The following MAGI2 variants were observed in gnomAD, a reference collection of about 807,000 sequenced individuals.
MAGI2 encodes membrane associated guanylate kinase, WW and PDZ domain containing 2, also known as membrane-associated guanylate kinase, WW and PDZ domain-containing protein 2.
Under a neutral mutation model 133.3 loss-of-function variants are expected in MAGI2, and 35 were observed. The ratio of observed to expected loss-of-function variants is 0.26; its 90% CI spans 0.20 to 0.35. The LOEUF is 0.35. MAGI2 is among the 10% of genes least tolerant of loss of function. The pLI is 1.00. For missense variants in MAGI2, 1,636 were observed against 1,863.4 expected, an observed-to-expected ratio of 0.88 and a Z score of 2.25; for synonymous variants, 729 against 710.6, an observed-to-expected ratio of 1.03 and a Z score of -0.41.
Position 78,519,534 on chromosome 7 carries a change from T to C in MAGI2, c.754+1896A>G, listed in dbSNP as rs1246939492. ...ATCATCAAGCTGAGGAATCCAGAGATATGGCTAGGGTTGATCAAGAACAGT... is the reference window on the plus strand; with the variant it reads ...ATCATCAAGCTGAGGAATCCAGAGACATGGCTAGGGTTGATCAAGAACAGT... On this transcript the variant is annotated intron_variant, in intron 4 of 21. Coordinates refer to ENST00000354212, the MANE Select transcript of MAGI2 (RefSeq NM_012301.4). Among the ~76,000 whole-genome samples, 7 of 152,182 alleles carry C rather than the reference T, an allele frequency of 4.6e-5. No individual in the cohort carries two copies. The South Asian group carries it at 8.3e-4, about 18-fold the overall frequency.
intron 1 of MAGI2, among the ~76,000 whole-genome samples, chr7:79,265,484 C>T (rs915822484): frequency 6.6e-6 from 1 of 151,618 alleles, no homozygotes; most frequent in Non-Finnish European, 1.5e-5. Flanking sequence ...AGTACTTTTC[C>T]TTTTTTTTGG....
At chr7:78,290,798 G>A (rs949165320) in intron 9 of MAGI2, among the ~76,000 whole-genome samples, 6 of 152,258 alleles carry the variant, frequency 3.9e-5, no homozygotes, top group Admixed American at 2.6e-4. Context: ...CTCAAAAACC[G>A]CTCAGCTACA....
Position 79,431,163 on chromosome 7 carries a change from A to G in MAGI2, c.301+21857T>C, listed in dbSNP as rs374025128. ...CTAAATATAAGCTCCACATGAGCAT[A>G]CTAGAATGAAACACCTGAGATAAGA... On this transcript the variant is annotated intron_variant, in intron 1 of 21. Coordinates refer to ENST00000354212, the MANE Select transcript of MAGI2 (RefSeq NM_012301.4). 2.1e-3 allele frequency among the ~76,000 whole-genome samples: 319 copies of G among 152,308 alleles called. 1 individual carries two copies. In the South Asian group the frequency reaches 0.021, roughly 10 times the overall value.
chr7:79,320,696 G>A (rs1839116006), intron 1 of MAGI2, among the ~76,000 whole-genome samples: 1 of 152,092 alleles, frequency 6.6e-6, no homozygotes, highest in East Asian at 1.9e-4. Context: ...AAGCTGACTT[G>A]GATCTATTGC....
At chr7:79,195,105 A>G (rs1827972554) in intron 1 of MAGI2, among the ~76,000 whole-genome samples, 1 of 151,964 alleles carries the variant, frequency 6.6e-6, no homozygotes, top group Admixed American at 6.6e-5. Context: ...TTTTGTAAAA[A>G]GATAAAATTA....
chr7:78,766,992 CT>C (rs5885095), intron 2 of MAGI2, among the ~76,000 whole-genome samples: 106,203 of 143,480 alleles, frequency 0.74, 39,142 homozygotes, highest in Non-Finnish European at 0.78. Context: ...TAATAAAGTT[CT>C]TTTTTTTTTT....
Position 78,967,673 on chromosome 7 carries a change from C to T in MAGI2, c.418+39417G>A, listed in dbSNP as rs117164744. Among the ~76,000 whole-genome samples the T allele has an allele frequency of 2.4e-3, 368 of 151,650 alleles. 2 individuals are homozygous for T. Among genetic ancestry groups the T allele is most frequent in the Non-Finnish European group, 3.8e-3 (256 of 67,906 alleles). The stretch of plus-strand genomic sequence containing the variant: ...ATTTCATTCTTTTGCATGTGGATAT[C>T]CAGTTTTCCAAAATGACTTGTTAAA... On this transcript the variant is annotated intron_variant, in intron 2 of 21. Coordinates refer to ENST00000354212, the MANE Select transcript of MAGI2 (RefSeq NM_012301.4).
intron 2 of MAGI2, among the ~76,000 whole-genome samples, chr7:78,981,087 C>T (rs1036630737): frequency 8.6e-5 from 13 of 151,494 alleles, no homozygotes; most frequent in Non-Finnish European, 1.8e-4. Context: ...GCTCTTCTGA[C>T]TTTCTTCTAT....
intron 1 of MAGI2, among the ~76,000 whole-genome samples, chr7:79,210,737 A>G (rs1829432696): frequency 6.6e-6 from 1 of 152,042 alleles, no homozygotes; most frequent in South Asian, 2.1e-4. Context: ...ACTCCTTCAC[A>G]TGGCTCTCTT....
At chr7:78,968,842 G>C (rs960449624) in intron 2 of MAGI2, among the ~76,000 whole-genome samples, 2 of 152,052 alleles carry the variant, frequency 1.3e-5, no homozygotes, top group Non-Finnish European at 2.9e-5. Context: ...CAAGGACACG[G>C]CCTTTATTTT....
intron 10 of MAGI2, among the ~76,000 whole-genome samples, chr7:78,228,298 A>C (rs1789611166): frequency 6.6e-6 from 1 of 152,238 alleles, no homozygotes; most frequent in African/African-American, 2.4e-5. Flanking sequence ...TCCCTAAACC[A>C]TCTGCATCAG....
intron 2 of MAGI2, among the ~76,000 whole-genome samples, chr7:78,755,337 A>G (rs1823842585): frequency 1.3e-5 from 2 of 152,244 alleles, no homozygotes; most frequent in African/African-American, 4.8e-5. Context: ...TTTTGGAAAC[A>G]TACGTACTCG....
chr7:79,078,258 G>T (rs963070311), intron 1 of MAGI2, among the ~76,000 whole-genome samples: 2 of 151,350 alleles, frequency 1.3e-5, no homozygotes, highest in Admixed American at 1.3e-4. Flanking sequence ...TCTCCACAGA[G>T]TTCTTAGTAC....
intron 2 of MAGI2, among the ~76,000 whole-genome samples, chr7:78,794,313 T>C (rs1377675408): frequency 2.0e-5 from 3 of 152,154 alleles, no homozygotes; most frequent in Non-Finnish European, 4.4e-5. Flanking sequence ...AGCTGAGCAA[T>C]GAAACTCTAA....
chr7:79,258,352 A>T (rs1833847387), intron 1 of MAGI2, among the ~76,000 whole-genome samples: 1 of 152,218 alleles, frequency 6.6e-6, no homozygotes, highest in Admixed American at 6.5e-5. Context: ...GTGCACATCT[A>T]ACTAATCAAC....
At chr7:78,323,021 A>C (rs1001969477) in intron 9 of MAGI2, among the ~76,000 whole-genome samples, 5 of 149,864 alleles carry the variant, frequency 3.3e-5, no homozygotes, top group Non-Finnish European at 7.4e-5. Flanking sequence ...AAAAATAAAT[A>C]TGTGTTCATC....
intron 3 of MAGI2, among the ~76,000 whole-genome samples, chr7:78,601,998 G>A (rs1805257955): frequency 6.6e-6 from 1 of 152,094 alleles, no homozygotes; most frequent in Non-Finnish European, 1.5e-5. Context: ...AGTAGAATGA[G>A]CCCCACATTT....
At chr7:78,049,161 C>A (rs1317237843) in intron 21 of MAGI2, among the ~76,000 whole-genome samples, 1 of 151,692 alleles carries the variant, frequency 6.6e-6, no homozygotes, top group Non-Finnish European at 1.5e-5. Flanking sequence ...TTTCTTTTTA[C>A]CCTCAGACTT....
intron 2 of MAGI2, among the ~76,000 whole-genome samples, chr7:78,806,683 C>T (rs1788602904): frequency 6.6e-6 from 1 of 151,580 alleles, no homozygotes; most frequent in South Asian, 2.1e-4. Flanking sequence ...GTCTGGGCAA[C>T]AGAAAGATCC....
Sources: allele counts gnomAD v4.1 joint callset (sites outside exome capture counted in the v4.1 genomes callset), GRCh38; gene constraint gnomAD v4.1.1; transcripts MANE v1.5; gene names NCBI Gene and HGNC (gene_info 2026-07-23, HGNC 2026-07-21).